OS9: variants seen among roughly 807,000 people sequenced by gnomAD.
OS9 encodes the protein OS9 endoplasmic reticulum lectin.
In OS9, 58 loss-of-function variants were observed where a neutral mutation model predicts 84.7. The ratio of observed to expected loss-of-function variants is 0.68; its 90% CI spans 0.55 to 0.85. The LOEUF (loss-of-function observed/expected upper bound fraction) is 0.85. OS9 is among the 40% of genes least tolerant of loss of function. The pLI is 0.00. For missense variants in OS9, 760 were observed against 850.9 expected, an observed-to-expected ratio of 0.89 and a Z score of 1.33; for synonymous variants, 278 against 320.8, an observed-to-expected ratio of 0.87 and a Z score of 1.43.
At chr12:57,697,936 C>T (rs1305256579) in intron 5 of OS9, among the ~76,000 whole-genome samples, 1 of 143,730 alleles carries the variant, frequency 7.0e-6, no homozygotes, top group African/African-American at 2.7e-5. Flanking sequence ...CACACACACA[C>T]ACACACACAC....
Position 57,694,330 on chromosome 12 carries a change from G to T in OS9, c.162+7G>T. The stretch of plus-strand genomic sequence containing the variant: ...GCCTGTCATGGGAGGGCAGGTGAGA[G>T]GCGTATAAGGGGCGAGGGTCTGGGC... On this transcript the variant is annotated splice_region_variant and intron_variant, in intron 1 of 14. Transcript: ENST00000315970. 1 of 1,614,024 alleles carries T rather than the reference G, an allele frequency of 6.2e-7. No homozygotes were observed. Among genetic ancestry groups the T allele is most frequent in the African/African-American group, 1.3e-5 (1 of 75,014 alleles).
In OS9 at chr12:57,719,021, TGAA is replaced by T. The variant is rs758420948; in HGVS notation, c.1444_1446del (p.Lys482del). On this transcript the variant is annotated inframe_deletion, in exon 12 of 15. Coordinates refer to ENST00000315970, the MANE Select transcript of OS9 (RefSeq NM_006812.4). ...GAGAAAGAGCTGGACCCAGATGGGC[TGAA>T]GAAGGAGTCAGAGCGGGATCGGGCA... 341 of 1,613,756 alleles carry T rather than the reference TGAA, an allele frequency of 2.1e-4. No individual in the cohort carries two copies. Among genetic ancestry groups the T allele is most frequent in the Middle Eastern group, 5.0e-4 (3 of 5,950 alleles).
chr12:57,720,853 G>T lies in OS9; in HGVS notation c.1948G>T (p.Val650Leu). ...QKELESNYRR[V>L]WGSPGGEGTG... Reference sequence around the variant, plus strand: ...AGAGCTGGAGAGCAATTACCGCCGGGTGTGGGGCTCTCCAGGTGGGGAGGG... The same window carrying T: ...AGAGCTGGAGAGCAATTACCGCCGGTTGTGGGGCTCTCCAGGTGGGGAGGG... The change falls in exon 15 of 15, where the codon GTG becomes TTG. Residue 650 changes from valine to leucine, a missense_variant. Coordinates refer to ENST00000315970, the MANE Select transcript of OS9 (RefSeq NM_006812.4). The T allele has an allele frequency of 1.2e-6, 2 of 1,614,158 alleles. No individual in the cohort carries two copies. Among genetic ancestry groups the T allele is most frequent in the Non-Finnish European group, 1.7e-6 (2 of 1,179,974 alleles).
At chr12:57,700,815 G>A (rs1953999605) in intron 5 of OS9, among the ~76,000 whole-genome samples, 1 of 152,058 alleles carries the variant, frequency 6.6e-6, no homozygotes, top group African/African-American at 2.4e-5. Flanking sequence ...AACCCTGGGA[G>A]AGCAATTTGC....
rs1166187598 is a variant in OS9, at chr12:57,720,749, A to T, written c.1879-35A>T. 14 of 1,568,294 alleles carry T rather than the reference A, an allele frequency of 8.9e-6. No individual in the cohort carries two copies. In the South Asian group the frequency reaches 1.2e-4, roughly 13 times the overall value. Reference sequence around the variant, plus strand: ...CAGGACTTCCCTGGGCTCAACGGCCAGTAGCTCCAGCCCACCTCTACCCTC... The same window carrying T: ...CAGGACTTCCCTGGGCTCAACGGCCTGTAGCTCCAGCCCACCTCTACCCTC... On this transcript the variant is annotated intron_variant, in intron 14 of 14. Transcript: ENST00000315970.
intron 5 of OS9, among the ~76,000 whole-genome samples, chr12:57,702,354 C>T (rs569542263): frequency 6.6e-6 from 1 of 152,334 alleles, no homozygotes; most frequent in Non-Finnish European, 1.5e-5. Flanking sequence ...TTGTGTCTGG[C>T]TTATTTCACT....
intron 5 of OS9, among the ~76,000 whole-genome samples, chr12:57,706,846 GAAAAAAAA>G (rs11423380): frequency 4.8e-5 from 2 of 41,732 alleles, no homozygotes; most frequent in East Asian, 8.1e-4. Context: ...ATGACTCTCT[GAAAAAAAA>G]AAAAAAAAAA....
intron 5 of OS9, 134 bp from the exon 6 acceptor site, chr12:57,715,626 A>G: frequency 1.7e-6 from 1 of 592,178 alleles, no homozygotes; most frequent in East Asian, 3.1e-5. Context: ...GAGCCAATTT[A>G]TGTAAAGTGC....
chr12:57,716,555 G>A lies in OS9; in HGVS notation c.993+43G>A, dbSNP rs761158620. 2.0e-6 allele frequency: 3 copies of A among 1,529,764 alleles called. No homozygotes were observed. The South Asian group carries it at 3.4e-5, about 18-fold the overall frequency. The allele number at this position is 1,529,764 out of a possible 1,614,324, so 94.8% of individuals were successfully genotyped here. On this transcript the variant is annotated intron_variant, in intron 8 of 14. Transcript: ENST00000315970. ...AGAGGAGCAGGATGGGGATGGGGAG[G>A]GTCACTGCAGCTGGGGCCATTGTGA...
rs761389806 is a variant in OS9 at position 57,720,080 on chromosome 12, G to T, written c.1601-19G>T. 3 of 1,611,314 alleles carry T rather than the reference G, an allele frequency of 1.9e-6. No individual in the cohort carries two copies. In the Admixed American group the frequency reaches 5.0e-5, roughly 27 times the overall value. ...TCACGCCTCTGCTTTGTGTTTCCCT[G>T]TGTGTCTCCCCCTCTAAGAGGAGGA... is the stretch of plus-strand genomic sequence containing the variant. On this transcript the variant is annotated intron_variant, in intron 12 of 14. Transcript: ENST00000315970.
rs935918684 is a variant in OS9 at position 57,720,561 on chromosome 12, G to C, written c.1878+43G>C. 4.1e-6 allele frequency: 6 copies of C among 1,450,612 alleles called. No individual in the cohort carries two copies. In the African/African-American group the frequency reaches 8.4e-5, roughly 20 times the overall value. 89.9% of individuals were successfully genotyped at this position (1,450,612 alleles called of 1,614,324 possible). On this transcript the variant is annotated intron_variant, in intron 14 of 14. Transcript: ENST00000315970. ...CCGAGTCCTGGCCCCCAGCCCTCCTGGAGTGGAGGTGCGGGCTTGCCCCAG... is the reference window on the plus strand; with the variant it reads ...CCGAGTCCTGGCCCCCAGCCCTCCTCGAGTGGAGGTGCGGGCTTGCCCCAG...
chr12:57,710,050 G>A (rs961716406), intron 5 of OS9, among the ~76,000 whole-genome samples: 11 of 151,886 alleles, frequency 7.2e-5, no homozygotes, highest in East Asian at 1.9e-4. Context: ...ATGGGGTTTC[G>A]CCATGTTGGC....
rs150848860 is a variant in OS9, at chr12:57,694,175, C to G, written c.14C>G (p.Thr5Arg). Residue 5 changes from threonine (T) to arginine (R), a missense_variant, in exon 1 of 15, where the codon ACG becomes AGG. By Grantham distance (71) the Thr-to-Arg change is moderately conservative. Transcript: ENST00000315970. ...GGGGAACGAAAGATGGCGGCGGAAA[C>G]GCTGCTGTCCAGTTTGTTAGGACTG... MAAETLLSSLLGLLL... is the reference protein window; with the variant it reads MAAERLLSSLLGLLL... The G allele has an allele frequency of 4.7e-4, 761 of 1,614,134 alleles. 3 individuals carry two copies. The African/African-American group carries it at 9.1e-3, about 19-fold the overall frequency.
chr12:57,695,751 C>A, intron 2 of OS9, 29 bp from the exon 3 acceptor site: 2 of 1,472,022 alleles, frequency 1.4e-6, no homozygotes, highest in Non-Finnish European at 1.9e-6. Context: ...GCACTCCATC[C>A]CCCTGATTGT....
chr12:57,718,912 A>G, intron 11 of OS9, 81 bp from the exon 12 acceptor site: 2 of 966,724 alleles, frequency 2.1e-6, no homozygotes, highest in Non-Finnish European at 3.2e-6. Flanking sequence ...TCAAAATATC[A>G]GACTCTCCTA....
chr12:57,714,559 G>A (rs958366827), intron 5 of OS9, among the ~76,000 whole-genome samples: 2 of 151,962 alleles, frequency 1.3e-5, no homozygotes, highest in East Asian at 1.9e-4. Context: ...TGGAGTGTGC[G>A]AAATCCCTCA....
intron 10 of OS9, 63 bp from the exon 11 acceptor site, chr12:57,718,083 C>A (rs999852514): frequency 1.9e-6 from 3 of 1,564,950 alleles, no homozygotes; most frequent in African/African-American, 2.7e-5. Flanking sequence ...TGTTTGTCTG[C>A]CCCCGACCAT....
intron 5 of OS9, among the ~76,000 whole-genome samples, chr12:57,711,982 T>G (rs1445132315): frequency 3.3e-5 from 5 of 152,226 alleles, no homozygotes; most frequent in Non-Finnish European, 7.3e-5. Context: ...GTGCAAGTTA[T>G]GGATATTTAA....
intron 5 of OS9, 35 bp from the exon 6 acceptor site, chr12:57,715,725 G>A: frequency 6.9e-7 from 1 of 1,447,584 alleles, no homozygotes; most frequent in Non-Finnish European, 9.5e-7. Flanking sequence ...ATTATTGTTG[G>A]TGATTAAGTG....
Sources: gnomAD v4.1 joint callset for allele counts (sites outside exome capture counted in the v4.1 genomes callset) on GRCh38, gnomAD v4.1.1 for gene constraint, MANE v1.5 for transcripts, NCBI Gene and HGNC (gene_info 2026-07-23, HGNC 2026-07-21) for gene names.